The following ZNF385D variants were observed in gnomAD, a reference collection of about 807,000 sequenced individuals.
The protein encoded by ZNF385D is zinc finger protein 659.
A neutral mutation model predicts 35.8 loss-of-function variants in ZNF385D; 15 were observed. The ratio of observed to expected loss-of-function variants is 0.42; its 90% CI spans 0.28 to 0.64. The LOEUF (loss-of-function observed/expected upper bound fraction) is 0.64, where lower values mean the gene tolerates loss of function less well. ZNF385D is among the 30% of genes least tolerant of loss of function. The pLI is 0.23. For missense variants in ZNF385D, 474 were observed against 494.6 expected (o/e 0.96, Z 0.39); for synonymous variants, 212 against 186.8 (o/e 1.13, Z -1.10).
At chr3:21,805,733 C>T (rs1575681789) in intron 3 of ZNF385D, among the ~76,000 whole-genome samples, 1 of 152,294 alleles carries the variant, frequency 6.6e-6, no homozygotes, top group Middle Eastern at 3.4e-3. Context: ...GACTGGATTT[C>T]ACTATTTCCT....
At chr3:21,438,237 C>T (rs1701672913) in intron 4 of ZNF385D, among the ~76,000 whole-genome samples, 2 of 152,064 alleles carry the variant, frequency 1.3e-5, no homozygotes, top group South Asian at 4.1e-4. Context: ...ACTTTTTTGC[C>T]TCTCAGCTAG....
chr3:21,574,982 A>C lies in ZNF385D; in HGVS notation c.166-10298T>G, dbSNP rs949378932. Among the ~76,000 whole-genome samples, 16 of 152,146 alleles carry C rather than the reference A, an allele frequency of 1.1e-4. 1 individual carries two copies. The highest frequency in any genetic ancestry group is 3.9e-4 in the Admixed American group (6 of 15,270). ...GCTAAAGAGGACTATAGCTAAATAC[A>C]CAATGTTTCATTTTCTTAACAAACA... On this transcript the variant is annotated intron_variant, in intron 2 of 7. Transcript: ENST00000281523.
intron 4 of ZNF385D, among the ~76,000 whole-genome samples, chr3:21,461,069 C>T (rs1050150243): frequency 2.9e-4 from 44 of 152,270 alleles, no homozygotes; most frequent in Non-Finnish European, 5.7e-4. Flanking sequence ...AAGTCACATG[C>T]TCTGCATTGC....
intron 3 of ZNF385D, among the ~76,000 whole-genome samples, chr3:22,137,534 C>T (rs1083722): frequency 1.3e-5 from 2 of 152,108 alleles, no homozygotes; most frequent in South Asian, 4.1e-4. Flanking sequence ...AATCAATAAA[C>T]GTAATCCAGC....
At chr3:22,062,341 C>G (rs1253064501) in intron 3 of ZNF385D, among the ~76,000 whole-genome samples, 11 of 152,164 alleles carry the variant, frequency 7.2e-5, no homozygotes, top group Non-Finnish European at 1.3e-4. Flanking sequence ...AGCCGTGAGT[C>G]ACTTGCGCCC....
chr3:21,423,755 A>G (rs563646318), intron 7 of ZNF385D, among the ~76,000 whole-genome samples: 86 of 152,344 alleles, frequency 5.6e-4, no homozygotes, highest in African/African-American at 2.0e-3. Context: ...ACTAACTTAC[A>G]TCAAGACCAG....
chr3:21,740,923 A>G (rs1208186935), intron 1 of ZNF385D, among the ~76,000 whole-genome samples: 2 of 152,206 alleles, frequency 1.3e-5, no homozygotes, highest in African/African-American at 4.8e-5. Context: ...GGACCGGGAT[A>G]GCGCTTTGAC....
chr3:22,242,470 A>G (rs762849609), intron 2 of ZNF385D, among the ~76,000 whole-genome samples: 5 of 151,026 alleles, frequency 3.3e-5, no homozygotes, highest in Non-Finnish European at 5.9e-5. Flanking sequence ...AAGCCATGAA[A>G]AGGCCACTTG....
chr3:22,168,962 T>C, exon 3 of ZNF385D: 2 of 985,854 alleles, frequency 2.0e-6, no homozygotes, highest in Non-Finnish European at 2.4e-6. Flanking sequence ...GTTTCTTTTC[T>C]CTTTCTGGTT....
At chr3:22,200,431 AGTATACAAATAGGGT>A (rs1271193315) in intron 2 of ZNF385D, among the ~76,000 whole-genome samples, 5 of 151,986 alleles carry the variant, frequency 3.3e-5, no homozygotes, top group African/African-American at 1.2e-4. Context: ...AAGGGGAGGG[AGTATACAAATAGGGT>A]GTGGGTCACA....
intron 3 of ZNF385D, among the ~76,000 whole-genome samples, chr3:22,133,366 T>C (rs1023326823): frequency 6.6e-6 from 1 of 151,830 alleles, no homozygotes; most frequent in Non-Finnish European, 1.5e-5. Flanking sequence ...TATATCTCTA[T>C]ATGGGGTGTG....
At chr3:22,121,017 A>T (rs1190013550) in intron 3 of ZNF385D, among the ~76,000 whole-genome samples, 1 of 152,186 alleles carries the variant, frequency 6.6e-6, no homozygotes, top group African/African-American at 2.4e-5. Flanking sequence ...ACACATAGAA[A>T]TGCAAAGTTG....
intron 3 of ZNF385D, among the ~76,000 whole-genome samples, chr3:22,067,623 T>C (rs1242136067): frequency 2.0e-5 from 3 of 152,236 alleles, no homozygotes; most frequent in Admixed American, 2.0e-4. Context: ...AGCTGATGTA[T>C]GTTATTATAC....
intron 2 of ZNF385D, among the ~76,000 whole-genome samples, chr3:22,248,539 G>A (rs1219928756): frequency 6.6e-6 from 1 of 151,680 alleles, no homozygotes; most frequent in Non-Finnish European, 1.5e-5. Flanking sequence ...GTAAAAATTG[G>A]GCCTCTCTAA....
intron 4 of ZNF385D, chr3:21,443,105 C>T: frequency 1.0e-6 from 1 of 983,966 alleles, no homozygotes; most frequent in Non-Finnish European, 1.2e-6. Context: ...TTTAAACGGC[C>T]TAGAAATCCC....
intron 2 of ZNF385D, among the ~76,000 whole-genome samples, chr3:22,359,338 T>G (rs1338794709): frequency 6.6e-6 from 1 of 151,794 alleles, no homozygotes; most frequent in East Asian, 1.9e-4. Context: ...AATGAGCAGG[T>G]GTCTCATAAA....
chr3:22,094,324 C>T (rs1012282090), intron 3 of ZNF385D, among the ~76,000 whole-genome samples: 5 of 109,916 alleles, frequency 4.5e-5, no homozygotes, highest in South Asian at 3.4e-4. Flanking sequence ...TTAAGTTGTA[C>T]CCTTTTTTTT....
chr3:22,028,033 T>C (rs1038867008), intron 3 of ZNF385D, among the ~76,000 whole-genome samples: 3 of 152,128 alleles, frequency 2.0e-5, no homozygotes, highest in African/African-American at 7.2e-5. Flanking sequence ...TCACTCTGCA[T>C]GTAAGGAGAA....
intron 1 of ZNF385D, among the ~76,000 whole-genome samples, chr3:21,696,872 G>A (rs2067490101): frequency 6.6e-6 from 1 of 152,164 alleles, no homozygotes; most frequent in South Asian, 2.1e-4. Context: ...TCTCTGGCTG[G>A]TAATAAGGAA....
Sources: allele counts gnomAD v4.1 joint callset (sites outside exome capture counted in the v4.1 genomes callset), GRCh38; gene constraint gnomAD v4.1.1; transcripts MANE v1.5; gene names NCBI Gene and HGNC (gene_info 2026-07-23, HGNC 2026-07-21).